Variants in VPS53 observed in about 807,000 individuals in gnomAD.
VPS53 encodes VPS53 subunit of GARP complex.
In VPS53, 70 loss-of-function variants were observed where a neutral mutation model predicts 107.0. The ratio of observed to expected loss-of-function variants is 0.65; its 90% CI spans 0.54 to 0.80. The LOEUF (loss-of-function observed/expected upper bound fraction) is 0.80. Among genes scored for constraint, VPS53 ranks in the 30% least tolerant of loss-of-function variants. VPS53 has a pLI of 0.00. For missense variants in VPS53, 917 were observed against 1,049.4 expected (o/e 0.87, Z 1.74); for synonymous variants, 409 against 393.3 (o/e 1.04, Z -0.47).
At chr17:657,849 A>G (rs1971256281) in intron 5 of VPS53, among the ~76,000 whole-genome samples, 1 of 151,926 alleles carries the variant, frequency 6.6e-6, no homozygotes, top group Non-Finnish European at 1.5e-5. Context: ...ATATATCCTC[A>G]TTAAAGTGAG....
intron 15 of VPS53, among the ~76,000 whole-genome samples, chr17:554,982 AAG>A (rs1203384391): frequency 6.6e-6 from 1 of 152,226 alleles, no homozygotes. Context: ...GTAACAGAAT[AAG>A]AGAGTTATTT....
chr17:617,669 TATTTCCC>T (rs1969210363), intron 11 of VPS53, among the ~76,000 whole-genome samples: 10 of 149,406 alleles, frequency 6.7e-5, no homozygotes, highest in African/African-American at 2.5e-4. Context: ...GCCCCACTAA[TATTTCCC>T]GGGTAGCTGG....
intron 7 of VPS53, among the ~76,000 whole-genome samples, chr17:651,145 C>T (rs1232098983): frequency 2.0e-5 from 3 of 152,160 alleles, no homozygotes; most frequent in Non-Finnish European, 2.9e-5. Flanking sequence ...TAAATACACA[C>T]ACACAAATCC....
At chr17:575,285 G>A (rs1914500809) in intron 13 of VPS53, among the ~76,000 whole-genome samples, 1 of 152,206 alleles carries the variant, frequency 6.6e-6, no homozygotes, top group African/African-American at 2.4e-5. Context: ...GTTTCTAATT[G>A]AAACATTGTC....
chr17:592,400 AAT>A (rs1172082005), intron 12 of VPS53, among the ~76,000 whole-genome samples: 4 of 152,030 alleles, frequency 2.6e-5, no homozygotes, highest in African/African-American at 9.7e-5. Context: ...ATTTAAAGTT[AAT>A]ATTGTTATGT....
rs1567591418 is a variant in VPS53 at position 515,955 on chromosome 17, G to GTTTTT, written c.*3172_*3173insAAAAA. Reference sequence around the variant, plus strand: ...GATTACAGGCACCCGCCACCTGCCTGCTTTTTTTTTTTTTTTTTTTGTATT... The same window carrying GTTTTT: ...GATTACAGGCACCCGCCACCTGCCTGTTTTTCTTTTTTTTTTTTTTTTTTTGTATT... On this transcript the variant is annotated 3_prime_UTR_variant, in exon 22 of 22. Coordinates refer to ENST00000437048, the MANE Select transcript of VPS53 (RefSeq NM_001128159.3). 1.0e-5 allele frequency: 1 copy of GTTTTT among 99,320 alleles called. No homozygotes were observed. The highest frequency in any genetic ancestry group is 1.1e-4 in the Admixed American group (1 of 8,912). The allele number at this position is 99,320 out of a possible 1,614,324, so 6.2% of individuals were successfully genotyped here.
At chr17:557,855 CTT>C (rs773408955) in intron 15 of VPS53, among the ~76,000 whole-genome samples, 48 of 125,564 alleles carry the variant, frequency 3.8e-4, no homozygotes, top group Admixed American at 5.7e-4. Flanking sequence ...TAAGGATTAT[CTT>C]TTTTTTTTTT....
chr17:699,243 C>G (rs1161096486), intron 3 of VPS53, 88 bp downstream of exon 3: 7 of 1,095,888 alleles, frequency 6.4e-6, no homozygotes, highest in Non-Finnish European at 8.7e-6. Flanking sequence ...TTTCAGTGCT[C>G]TCACAGAAAA....
At chr17:557,733 G>C (rs1387946156) in intron 15 of VPS53, among the ~76,000 whole-genome samples, 1 of 151,884 alleles carries the variant, frequency 6.6e-6, no homozygotes, top group Non-Finnish European at 1.5e-5. Context: ...TTGGCCACTT[G>C]TATCATCAGT....
intron 13 of VPS53, among the ~76,000 whole-genome samples, chr17:563,444 C>T (rs1185590020): frequency 3.3e-5 from 5 of 152,084 alleles, no homozygotes; most frequent in South Asian, 2.1e-4. Context: ...TACAGGCACA[C>T]GCCACCATGC....
chr17:534,691 G>A (rs1909882375), intron 18 of VPS53, among the ~76,000 whole-genome samples: 1 of 152,186 alleles, frequency 6.6e-6, no homozygotes, highest in South Asian at 2.1e-4. Context: ...GCCCAGGCAG[G>A]TGGACTGCTT....
At chr17:586,473 G>C in intron 12 of VPS53, 109 bp from the exon 13 acceptor site, 1 of 1,076,302 alleles carries the variant, frequency 9.3e-7, no homozygotes, top group Non-Finnish European at 1.4e-6. Context: ...ACAGATAAGA[G>C]AGTACTCAAT....
At chr17:708,142 A>G (rs1973489506) in intron 2 of VPS53, among the ~76,000 whole-genome samples, 1 of 152,172 alleles carries the variant, frequency 6.6e-6, no homozygotes, top group African/African-American at 2.4e-5. Flanking sequence ...ACTAAGAAGT[A>G]GTAGGAAAGA....
intron 10 of VPS53, among the ~76,000 whole-genome samples, chr17:625,895 C>T (rs780100184): frequency 2.2e-4 from 33 of 152,126 alleles, no homozygotes; most frequent in East Asian, 3.9e-4. Flanking sequence ...CTTTTTCACC[C>T]AGCATTAGAT....
chr17:586,589 G>A (rs2143000623), intron 12 of VPS53, among the ~76,000 whole-genome samples: 1 of 152,246 alleles, frequency 6.6e-6, no homozygotes, highest in Non-Finnish European at 1.5e-5. Flanking sequence ...ACTGCTACCT[G>A]GATAACATAT....
chr17:554,634 C>A (rs1307023276), intron 15 of VPS53, among the ~76,000 whole-genome samples: 2 of 152,162 alleles, frequency 1.3e-5, no homozygotes, highest in African/African-American at 4.8e-5. Flanking sequence ...AACTCCTGAC[C>A]TCAGGTGATC....
At chr17:582,442 C>CA (rs1967077701) in intron 13 of VPS53, among the ~76,000 whole-genome samples, 1 of 126,912 alleles carries the variant, frequency 7.9e-6, no homozygotes, top group Non-Finnish European at 1.7e-5. Context: ...CTTCCCTCAT[C>CA]ATCTAATGCA....
chr17:634,320 C>T (rs1049874715), intron 7 of VPS53, among the ~76,000 whole-genome samples: 3 of 152,174 alleles, frequency 2.0e-5, no homozygotes, highest in African/African-American at 7.2e-5. Context: ...GGAAAAATTA[C>T]CAGTCTCTGA....
At chr17:625,146 G>A (rs1471995123) in intron 10 of VPS53, among the ~76,000 whole-genome samples, 2 of 151,824 alleles carry the variant, frequency 1.3e-5, no homozygotes, top group African/African-American at 2.4e-5. Flanking sequence ...TTGCCACCAT[G>A]ACCAGCTAAT....
Sources: gnomAD v4.1 joint callset for allele counts (sites outside exome capture counted in the v4.1 genomes callset) on GRCh38, gnomAD v4.1.1 for gene constraint, MANE v1.5 for transcripts, NCBI Gene and HGNC (gene_info 2026-07-23, HGNC 2026-07-21) for gene names.